Variants in ITPR2 observed in about 807,000 individuals in gnomAD.
ITPR2 encodes inositol 1,4,5-trisphosphate receptor type 2, also known as inositol 1,4,5-trisphosphate-gated calcium channel ITPR2.
ITPR2 carries 207 observed loss-of-function variants against 317.1 expected under a neutral mutation model. That is an observed-to-expected ratio of 0.65 (90% CI 0.58 to 0.73). ITPR2 has a LOEUF of 0.73. Ranked by LOEUF, ITPR2 falls within the 30% of genes least tolerant of loss-of-function variation. The pLI is 0.00. For synonymous variants in ITPR2, 1,156 were observed against 1,149.1 expected (o/e 1.01, Z -0.12); for missense variants, 2,613 against 3,284.0 (o/e 0.80, Z 4.99).
In ITPR2 at chr12:26,386,959, G is replaced by A. The variant is rs964297853; in HGVS notation, c.7857+475C>T. 3.3e-5 allele frequency among the ~76,000 whole-genome samples: 5 copies of A among 152,022 alleles called. No homozygotes were observed. In the East Asian group the frequency reaches 9.6e-4, roughly 29 times the overall value. ...GGTAAATCAATCCGAAGTATGTGTT[G>A]ATGGAAAATCAGTGCTCTCCCATTA... On this transcript the variant is annotated intron_variant, in intron 55 of 56. Coordinates refer to ENST00000381340, the MANE Select transcript of ITPR2 (RefSeq NM_002223.4).
chr12:26,773,461 G>A (rs10771300), intron 2 of ITPR2, among the ~76,000 whole-genome samples: 43,172 of 151,784 alleles, frequency 0.28, 7,402 homozygotes, highest in East Asian at 0.75. Flanking sequence ...ATGGGTAAGT[G>A]AGGGAGCTGG....
chr12:26,810,691 C>T (rs895297830), intron 1 of ITPR2, among the ~76,000 whole-genome samples: 7 of 152,206 alleles, frequency 4.6e-5, no homozygotes, highest in African/African-American at 1.4e-4. Flanking sequence ...ATTTTCTCTC[C>T]CTTAATGTTA....
intron 4 of ITPR2, among the ~76,000 whole-genome samples, chr12:26,722,932 A>G (rs1255963347): frequency 6.6e-6 from 1 of 152,142 alleles, no homozygotes; most frequent in African/African-American, 2.4e-5. Flanking sequence ...TATACTAAAG[A>G]AAGGCCAAGA....
intron 46 of ITPR2, 76 bp from the exon 47 acceptor site, chr12:26,439,395 G>T: frequency 9.6e-7 from 1 of 1,041,270 alleles, no homozygotes; most frequent in South Asian, 1.8e-5. Context: ...TTTAACATGA[G>T]TTTACTGAGA....
intron 9 of ITPR2, among the ~76,000 whole-genome samples, chr12:26,710,667 T>C (rs1948629526): frequency 6.6e-6 from 1 of 152,366 alleles, no homozygotes; most frequent in South Asian, 2.1e-4. Flanking sequence ...ATACTTTTAG[T>C]GGATAAAGAA....
chr12:26,778,723 T>C (rs1950023543), intron 2 of ITPR2, among the ~76,000 whole-genome samples: 1 of 152,260 alleles, frequency 6.6e-6, no homozygotes, highest in South Asian at 2.1e-4. Flanking sequence ...CTATGTTGAC[T>C]GGATCCAGTG....
intron 32 of ITPR2, among the ~76,000 whole-genome samples, chr12:26,592,488 A>C (rs897186133): frequency 3.3e-5 from 5 of 152,254 alleles, no homozygotes; most frequent in African/African-American, 1.2e-4. Context: ...TTCATTACAC[A>C]TTATATGGCT....
chr12:26,499,941 C>T (rs1203131997), intron 37 of ITPR2, among the ~76,000 whole-genome samples: 2 of 152,156 alleles, frequency 1.3e-5, no homozygotes, highest in Non-Finnish European at 1.5e-5. Context: ...TTGGTTCAAA[C>T]TTCAGAGTTT....
chr12:26,577,198 T>C (rs1000295512), intron 34 of ITPR2, among the ~76,000 whole-genome samples: 2 of 152,218 alleles, frequency 1.3e-5, no homozygotes, highest in South Asian at 4.1e-4. Context: ...CAAAACAGAC[T>C]AAGACCAGAG....
At chr12:26,444,071 A>G (rs1420112657) in intron 45 of ITPR2, among the ~76,000 whole-genome samples, 1 of 152,194 alleles carries the variant, frequency 6.6e-6, no homozygotes, top group African/African-American at 2.4e-5. Flanking sequence ...TTTCTCTTAT[A>G]GCATGTAATC....
intron 37 of ITPR2, among the ~76,000 whole-genome samples, chr12:26,516,300 A>AGGAAAGGAAGGGAAG (rs1943508344): frequency 1.9e-4 from 13 of 67,402 alleles, no homozygotes; most frequent in African/African-American, 5.3e-4. Context: ...AGGAAAGGAA[A>AGGAAAGGAAGGGAAG]GGAAAGGAAA....
At chr12:26,382,052 T>C (rs1939525192) in intron 55 of ITPR2, among the ~76,000 whole-genome samples, 1 of 152,210 alleles carries the variant, frequency 6.6e-6, no homozygotes, top group African/African-American at 2.4e-5. Flanking sequence ...CTTTGCTTAA[T>C]GGGAGAAGCA....
intron 15 of ITPR2, among the ~76,000 whole-genome samples, chr12:26,659,512 G>A (rs776454883): frequency 6.6e-6 from 1 of 152,098 alleles, no homozygotes. Context: ...TATACACCTA[G>A]AAATAATTAT....
intron 55 of ITPR2, among the ~76,000 whole-genome samples, chr12:26,375,467 C>T (rs1432945929): frequency 2.6e-5 from 4 of 152,232 alleles, no homozygotes; most frequent in Non-Finnish European, 4.4e-5. Context: ...AAACTGACCA[C>T]ACCACCTCTA....
At chr12:26,744,317 C>T (rs954941298) in intron 2 of ITPR2, among the ~76,000 whole-genome samples, 2 of 152,226 alleles carry the variant, frequency 1.3e-5, no homozygotes, top group African/African-American at 4.8e-5. Context: ...TCCTACTTGC[C>T]ATTACTGCAA....
At chr12:26,705,970 T>C (rs1036518254) in intron 9 of ITPR2, among the ~76,000 whole-genome samples, 1 of 152,212 alleles carries the variant, frequency 6.6e-6, no homozygotes, top group Non-Finnish European at 1.5e-5. Flanking sequence ...CCTTATTTGT[T>C]TGTAGATAGG....
intron 51 of ITPR2, among the ~76,000 whole-genome samples, chr12:26,414,890 A>G (rs566511717): frequency 2.6e-5 from 4 of 152,140 alleles, no homozygotes; most frequent in Non-Finnish European, 4.4e-5. Flanking sequence ...CAGTTATTTA[A>G]GTATAATATG....
intron 26 of ITPR2, among the ~76,000 whole-genome samples, chr12:26,614,171 C>A (rs1358948640): frequency 6.6e-6 from 1 of 152,074 alleles, no homozygotes; most frequent in Non-Finnish European, 1.5e-5. Flanking sequence ...GAAAGGACAA[C>A]TCCCAGAGAC....
At position 26,671,725 on chromosome 12, in the gene ITPR2, A is replaced by C. The variant is rs1310262454; in HGVS notation, c.1410-5674T>G. Reference sequence around the variant, plus strand: ...TATTAACTTTAAATGTAAATGGACTAAATGCTCCAATTAAAAGACACAGAC... The same window carrying C: ...TATTAACTTTAAATGTAAATGGACTCAATGCTCCAATTAAAAGACACAGAC... On this transcript the variant is annotated intron_variant, in intron 13 of 56. Transcript: ENST00000381340. Among the ~76,000 whole-genome samples, 7 of 152,222 alleles carry C rather than the reference A, an allele frequency of 4.6e-5. No homozygotes were observed. The East Asian group carries it at 1.2e-3, about 25-fold the overall frequency.
Sources: allele counts gnomAD v4.1 joint callset (sites outside exome capture counted in the v4.1 genomes callset), GRCh38; gene constraint gnomAD v4.1.1; transcripts MANE v1.5; gene names NCBI Gene and HGNC (gene_info 2026-07-23, HGNC 2026-07-21).